The following WDR41 variants were observed in gnomAD, a reference collection of about 807,000 sequenced individuals.
WDR41 encodes WD repeat domain 41.
WDR41 carries 63 observed loss-of-function variants against 69.3 expected under a neutral mutation model. The ratio of observed to expected loss-of-function variants is 0.91; its 90% confidence interval spans 0.74 to 1.12. The LOEUF is 1.12. Among genes scored for constraint, WDR41 ranks in the 50% most tolerant of loss-of-function variants. The pLI is 0.00. For synonymous variants in WDR41, 185 were observed against 192.1 expected, an observed-to-expected ratio of 0.96 and a Z score of 0.31; for missense variants, 543 against 534.5, an observed-to-expected ratio of 1.02 and a Z score of -0.16.
chr5:77,441,002 G>A lies in WDR41; in HGVS notation c.698-5C>T. 3.1e-6 allele frequency: 5 copies of A among 1,612,876 alleles called. No individual in the cohort carries two copies. Among genetic ancestry groups the A allele is most frequent in the Non-Finnish European group, 2.5e-6 (3 of 1,179,436 alleles). On this transcript the variant is annotated splice_region_variant and splice_polypyrimidine_tract_variant and intron_variant, in intron 8 of 12. Transcript: ENST00000296679. ...AGCCGGTGACAAAACTCAAATCTAG[G>A]CAAAGTTCACATATGCCTCATTATC...
chr5:77,565,293 G>A (rs1743601834), intron 1 of WDR41, among the ~76,000 whole-genome samples: 1 of 152,160 alleles, frequency 6.6e-6, no homozygotes, highest in South Asian at 2.1e-4. Flanking sequence ...TTATCATGGT[G>A]CATTTCTAAT....
chr5:77,473,686 A>T (rs1396144684), intron 2 of WDR41, among the ~76,000 whole-genome samples: 2 of 152,238 alleles, frequency 1.3e-5, no homozygotes, highest in Non-Finnish European at 2.9e-5. Flanking sequence ...CAAAAGACAC[A>T]TGAGAAAATG....
At chr5:77,442,910 A>AAAAAAAAAAG (rs1200754365) in intron 8 of WDR41, among the ~76,000 whole-genome samples, 4 of 148,272 alleles carry the variant, frequency 2.7e-5, no homozygotes, top group African/African-American at 1.0e-4. Flanking sequence ...AAAAAAAAAA[A>AAAAAAAAAAG]AAAGGATTTT....
At chr5:77,608,268 G>A (rs976780126) in intron 1 of WDR41, among the ~76,000 whole-genome samples, 3 of 152,148 alleles carry the variant, frequency 2.0e-5, no homozygotes, top group South Asian at 2.1e-4. Flanking sequence ...TTTTAAGGCC[G>A]AATAATATTC....
chr5:77,566,377 T>G (rs145682336), intron 1 of WDR41, among the ~76,000 whole-genome samples: 1 of 152,160 alleles, frequency 6.6e-6, no homozygotes, highest in Non-Finnish European at 1.5e-5. Flanking sequence ...TCTCTATTTA[T>G]ATTGATACTA....
At chr5:77,531,933 T>C (rs1347051389) in intron 1 of WDR41, among the ~76,000 whole-genome samples, 1 of 151,994 alleles carries the variant, frequency 6.6e-6, no homozygotes, top group Non-Finnish European at 1.5e-5. Flanking sequence ...AGATCAGTAG[T>C]TGCCAGGGAC....
chr5:77,456,023 A>G (rs1799817513), intron 5 of WDR41, among the ~76,000 whole-genome samples: 1 of 152,052 alleles, frequency 6.6e-6, no homozygotes, highest in Non-Finnish European at 1.5e-5. Flanking sequence ...TTTGATAAAG[A>G]TTGGGTTCAA....
At chr5:77,568,627 G>T (rs1035410002) in intron 1 of WDR41, among the ~76,000 whole-genome samples, 4 of 152,116 alleles carry the variant, frequency 2.6e-5, no homozygotes, top group African/African-American at 4.8e-5. Context: ...AGTTCACAAG[G>T]GTCTTTGTGA....
intron 1 of WDR41, among the ~76,000 whole-genome samples, chr5:77,587,697 AC>A (rs1336181129): frequency 6.6e-6 from 1 of 152,190 alleles, no homozygotes; most frequent in Non-Finnish European, 1.5e-5. Flanking sequence ...GTATTTGGAG[AC>A]AGGGCCTTTG....
At chr5:77,582,290 G>T in intron 1 of WDR41, 1 of 1,312,958 alleles carries the variant, frequency 7.6e-7, no homozygotes, top group East Asian at 2.4e-5. Flanking sequence ...GGCTCAGCAA[G>T]AAAGTAGACA....
chr5:77,490,484 T>C (rs1801725044), intron 1 of WDR41, among the ~76,000 whole-genome samples: 1 of 152,160 alleles, frequency 6.6e-6, no homozygotes, highest in African/African-American at 2.4e-5. Flanking sequence ...ATTGCATAAA[T>C]TAGGGACAAT....
chr5:77,480,372 T>A (rs368527425), intron 2 of WDR41, among the ~76,000 whole-genome samples: 1 of 151,954 alleles, frequency 6.6e-6, no homozygotes, highest in South Asian at 2.1e-4. Flanking sequence ...GACACATGCA[T>A]ACGTATGTTT....
At chr5:77,475,125 G>C (rs372884760) in intron 2 of WDR41, among the ~76,000 whole-genome samples, 1 of 152,140 alleles carries the variant, frequency 6.6e-6, no homozygotes, top group East Asian at 1.9e-4. Context: ...AAAAAACGGC[G>C]CACCAGGAGA....
chr5:77,544,059 A>G (rs1007797210), intron 1 of WDR41, among the ~76,000 whole-genome samples: 4 of 152,152 alleles, frequency 2.6e-5, no homozygotes, highest in African/African-American at 7.2e-5. Context: ...ATTAAGCTTC[A>G]TAAGTGAAGA....
chr5:77,547,562 A>G lies in WDR41; in HGVS notation c.43-57990T>C, dbSNP rs1187351899. 2.0e-5 allele frequency among the ~76,000 whole-genome samples: 3 copies of G among 151,986 alleles called. No homozygotes were observed. The East Asian group carries it at 5.8e-4, about 29-fold the overall frequency. On this transcript the variant is annotated intron_variant, in intron 1 of 5. Transcript: ENST00000509971. ...AAACAAACAAAAAATAAACTTAGGA[A>G]TATACCTAATCACGGAGGTGAAAGA...
chr5:77,611,628 A>G (rs1359514112), intron 1 of WDR41, among the ~76,000 whole-genome samples: 1 of 152,290 alleles, frequency 6.6e-6, no homozygotes, highest in African/African-American at 2.4e-5. Context: ...AATCTCTGGG[A>G]CACATTCAAA....
At chr5:77,574,072 C>T (rs1022455256) in intron 1 of WDR41, among the ~76,000 whole-genome samples, 18 of 152,112 alleles carry the variant, frequency 1.2e-4, no homozygotes, top group African/African-American at 3.4e-4. Flanking sequence ...CAGAGGCAGG[C>T]GAATCACCTG....
At chr5:77,439,396 G>T (rs551811715) in intron 9 of WDR41, among the ~76,000 whole-genome samples, 2 of 152,150 alleles carry the variant, frequency 1.3e-5, no homozygotes, top group Non-Finnish European at 2.9e-5. Context: ...TGACTCTCAG[G>T]ATTAGTACTC....
chr5:77,550,188 G>T (rs1203696639), intron 1 of WDR41, among the ~76,000 whole-genome samples: 1 of 152,114 alleles, frequency 6.6e-6, no homozygotes, highest in Middle Eastern at 3.2e-3. Flanking sequence ...CCTTGGGAAA[G>T]AATTTGTGAC....
Sources: gnomAD v4.1 joint callset for allele counts (sites outside exome capture counted in the v4.1 genomes callset) on GRCh38, gnomAD v4.1.1 for gene constraint, MANE v1.5 for transcripts, NCBI Gene and HGNC (gene_info 2026-07-23, HGNC 2026-07-21) for gene names.